SLC40A1: variants seen among roughly 807,000 people sequenced by gnomAD.
The protein encoded by SLC40A1 is ferroportin.
SLC40A1 carries 16 observed loss-of-function variants against 53.5 expected under a neutral mutation model. That is an observed-to-expected ratio of 0.30 (90% CI 0.20 to 0.45). SLC40A1 has a LOEUF of 0.45. Among genes scored for constraint, SLC40A1 ranks in the 20% least tolerant of loss-of-function variants. The pLI, the probability that SLC40A1 is intolerant of heterozygous loss-of-function variation, is 1.00. For missense variants in SLC40A1, 545 were observed against 695.4 expected, an observed-to-expected ratio of 0.78 and a Z score of 2.43; for synonymous variants, 247 against 253.2, an observed-to-expected ratio of 0.98 and a Z score of 0.23.
In SLC40A1 at chr2:189,580,782, C is replaced by G; in HGVS notation, c.-322G>C. The G allele has an allele frequency of 7.8e-7, 1 of 1,279,056 alleles. No homozygotes were observed. Among genetic ancestry groups the G allele is most frequent in the South Asian group, 1.5e-5 (1 of 65,366 alleles). The allele number at this position is 1,279,056 out of a possible 1,614,324, so 79.2% of individuals were successfully genotyped here. A position where few individuals can be genotyped will look rare whatever the true frequency, so the allele number is the denominator to read the frequency against. On this transcript the variant is annotated 5_prime_UTR_variant, in exon 1 of 8. Transcript: ENST00000261024. ...GAGCCAGCTCTCTCCGCCGCCGCCG[C>G]CGCCGCCGTGGGCCGGGCCCAGCTC... is the stretch of plus-strand genomic sequence containing the variant.
Position 189,580,558 on chromosome 2 carries a change from C to G in SLC40A1, c.-98G>C, listed in dbSNP as rs13008848. ...CAGGAGTGCAAGGAACTGGAGATAG[C>G]ACCTCTAAAAACACAACAGCCTTGG... On this transcript the variant is annotated 5_prime_UTR_variant, in exon 1 of 8. Coordinates refer to ENST00000261024, the MANE Select transcript of SLC40A1 (RefSeq NM_014585.6). The G allele has an allele frequency of 0.2, 322,699 of 1,601,060 alleles. 35,289 individuals are homozygous for G. The highest frequency in any genetic ancestry group is 0.23 in the Non-Finnish European group (268,880 of 1,177,712).
chr2:189,562,495 TA>T, intron 7 of SLC40A1, among the ~76,000 whole-genome samples: 2 of 152,316 alleles, frequency 1.3e-5, no homozygotes, highest in South Asian at 2.1e-4. Context: ...ATCAGAGACA[TA>T]ATAAATCCTA....
chr2:189,576,528 C>CA (rs1369595066), intron 2 of SLC40A1, among the ~76,000 whole-genome samples: 1 of 152,214 alleles, frequency 6.6e-6, no homozygotes, highest in African/African-American at 2.4e-5. Flanking sequence ...CTCCTACCCC[C>CA]ACCCCACCTC....
At chr2:189,571,588 T>C (rs529870942) in intron 5 of SLC40A1, 127 bp downstream of exon 5, 4 of 1,454,060 alleles carry the variant, frequency 2.8e-6, no homozygotes, top group African/African-American at 1.4e-5. Context: ...AAAAAAAGTA[T>C]GCTTTCAATT....
At chr2:189,580,161 TTTG>T (rs2031410407) in intron 1 of SLC40A1, among the ~76,000 whole-genome samples, 1 of 35,112 alleles carries the variant, frequency 2.8e-5, no homozygotes, top group Non-Finnish European at 1.0e-4. Flanking sequence ...GGTTGGTTGG[TTTG>T]TTTGTTTTGT....
chr2:189,573,206 G>A (rs777176453), intron 3 of SLC40A1, among the ~76,000 whole-genome samples: 22 of 152,170 alleles, frequency 1.4e-4, no homozygotes, highest in Middle Eastern at 3.2e-3. Flanking sequence ...GTTCACTGAA[G>A]TCTATCATAA....
chr2:189,571,896 T>C (rs1458320141), intron 4 of SLC40A1, 55 bp from the exon 5 acceptor site: 6 of 1,114,280 alleles, frequency 5.4e-6, no homozygotes, highest in Non-Finnish European at 8.3e-6. Flanking sequence ...ACACTGTACA[T>C]ATGTCACTAA....
At chr2:189,568,104 G>A (rs533554850) in intron 5 of SLC40A1, among the ~76,000 whole-genome samples, 4 of 150,578 alleles carry the variant, frequency 2.7e-5, no homozygotes, top group African/African-American at 9.8e-5. Context: ...ATTATACTTA[G>A]AAAGTTAATA....
intron 5 of SLC40A1, among the ~76,000 whole-genome samples, chr2:189,570,004 A>ATATATATGTATG (rs1318636594): frequency 1.4e-5 from 2 of 143,920 alleles, no homozygotes; most frequent in African/African-American, 5.1e-5. Context: ...ATATGTATGT[A>ATATATATGTATG]TATATATATA....
At chr2:189,564,824 A>G (rs866641338) in intron 6 of SLC40A1, among the ~76,000 whole-genome samples, 2 of 152,178 alleles carry the variant, frequency 1.3e-5, no homozygotes, top group Admixed American at 1.3e-4. Flanking sequence ...TGGGCGACAG[A>G]GCGAGACTCT....
At chr2:189,576,595 G>A (rs1288431690) in intron 2 of SLC40A1, among the ~76,000 whole-genome samples, 1 of 152,126 alleles carries the variant, frequency 6.6e-6, no homozygotes, top group Non-Finnish European at 1.5e-5. Context: ...ACAGCAAGGG[G>A]GTGGAGCTGT....
chr2:189,572,246 T>A (rs573607199), intron 4 of SLC40A1, among the ~76,000 whole-genome samples: 13 of 152,180 alleles, frequency 8.5e-5, no homozygotes, highest in Middle Eastern at 3.2e-3. Flanking sequence ...GGCAATCAAC[T>A]AACGTTCACT....
intron 7 of SLC40A1, 146 bp from the exon 8 acceptor site, chr2:189,562,337 TA>T (rs1379540569): frequency 1.6e-6 from 1 of 612,230 alleles, no homozygotes; most frequent in Non-Finnish European, 2.8e-6. Context: ...AGCCTTGCCT[TA>T]AGAATTATTT....
intron 5 of SLC40A1, among the ~76,000 whole-genome samples, chr2:189,567,158 A>G (rs1192540620): frequency 1.3e-5 from 2 of 152,210 alleles, no homozygotes; most frequent in African/African-American, 4.8e-5. Context: ...CCGTGGAATG[A>G]ATGGTTTGTA....
intron 2 of SLC40A1, among the ~76,000 whole-genome samples, chr2:189,575,987 C>T (rs760732124): frequency 4.6e-5 from 7 of 152,078 alleles, no homozygotes; most frequent in Non-Finnish European, 2.9e-5. Context: ...TAAGTAGTTA[C>T]GTTAACATTT....
In SLC40A1 at chr2:189,566,347, G is replaced by A. The variant is rs149894484; in HGVS notation, c.515-748C>T. On this transcript the variant is annotated intron_variant, in intron 5 of 7. Coordinates refer to ENST00000261024, the MANE Select transcript of SLC40A1 (RefSeq NM_014585.6). ...CCAGGGGACACCATTTGTATTTTCA[G>A]TGAGTCATACCCTGGAGCACAATGT... Among the ~76,000 whole-genome samples the A allele has an allele frequency of 1.1e-3, 168 of 152,324 alleles. 1 individual carries two copies. The highest frequency in any genetic ancestry group is 3.8e-3 in the African/African-American group (159 of 41,572).
chr2:189,579,733 T>C (rs1050410081), intron 2 of SLC40A1, 80 bp downstream of exon 2: 2 of 1,232,162 alleles, frequency 1.6e-6, no homozygotes, highest in Non-Finnish European at 2.4e-6. Context: ...AAACTGGAAG[T>C]TGGCTTAATA....
At position 189,564,322 on chromosome 2, in the gene SLC40A1, A is replaced by C. The variant is rs1010341756; in HGVS notation, c.761-97T>G. 24 of 1,000,602 alleles carry C rather than the reference A, an allele frequency of 2.4e-5. No homozygotes were observed. The East Asian group carries it at 2.7e-4, about 11-fold the overall frequency. 62.0% of individuals were successfully genotyped at this position (1,000,602 alleles called of 1,614,324 possible). On this transcript the variant is annotated intron_variant, in intron 6 of 7. Coordinates refer to ENST00000261024, the MANE Select transcript of SLC40A1 (RefSeq NM_014585.6). ...TTTTTTCCTTCTATTCCCCTTCCCA[A>C]TGGGTACCCTTGGTTAGACATTGTA... is the stretch of plus-strand genomic sequence containing the variant.
chr2:189,564,790 A>C (rs1257640732), intron 6 of SLC40A1, among the ~76,000 whole-genome samples: 14 of 152,216 alleles, frequency 9.2e-5, no homozygotes, highest in Admixed American at 5.2e-4. Context: ...CAGTGAGCCA[A>C]GATCGCGCCA....
Sources: allele counts gnomAD v4.1 joint callset (sites outside exome capture counted in the v4.1 genomes callset), GRCh38; gene constraint gnomAD v4.1.1; transcripts MANE v1.5; gene names NCBI Gene and HGNC (gene_info 2026-07-23, HGNC 2026-07-21).